Variants in ACTR6 observed in about 807,000 individuals in gnomAD.
ACTR6 encodes the protein actin-related protein 6.
A neutral mutation model predicts 52.5 loss-of-function variants in ACTR6; 50 were observed. The observed-to-expected ratio is 0.95, with a 90% CI of 0.76 to 1.20. ACTR6 has a LOEUF of 1.20. Among genes scored for constraint, ACTR6 ranks in the 50% most tolerant of loss-of-function variants. The pLI is 0.00. For synonymous variants in ACTR6, 135 were observed against 147.2 expected, an observed-to-expected ratio of 0.92 and a Z score of 0.60; for missense variants, 344 against 472.4, an observed-to-expected ratio of 0.73 and a Z score of 2.52.
At chr12:100,223,320 G>A (rs1011716825) in intron 10 of ACTR6, among the ~76,000 whole-genome samples, 3 of 151,756 alleles carry the variant, frequency 2.0e-5, no homozygotes, top group Non-Finnish European at 2.9e-5. Context: ...CAGCCTGGGC[G>A]ATAGAGTGAG....
chr12:100,201,786 G>T (rs1343719361), intron 1 of ACTR6, among the ~76,000 whole-genome samples: 1 of 151,970 alleles, frequency 6.6e-6, no homozygotes, highest in African/African-American at 2.4e-5. Flanking sequence ...CACTCCCAGC[G>T]AATTTTTTGT....
chr12:100,207,593 T>C lies in ACTR6; in HGVS notation c.256-70T>C, dbSNP rs112433453. On this transcript the variant is annotated intron_variant, in intron 3 of 10. Transcript: ENST00000188312. ...TATTGTGAGGATTAAATAAATTTGT[T>C]TGTACATGTAAAACAAGTGTTAATT... 551 of 1,279,726 alleles carry C rather than the reference T, an allele frequency of 4.3e-4. 3 individuals are homozygous for C. The African/African-American group carries it at 7.4e-3, about 17-fold the overall frequency. 79.3% of individuals were successfully genotyped at this position (1,279,726 alleles called of 1,614,324 possible).
At chr12:100,208,877 G>T in intron 4 of ACTR6, 1 of 437,802 alleles carries the variant, frequency 2.3e-6, no homozygotes, top group South Asian at 1.6e-5. Context: ...CTCCCAAGTA[G>T]CTGGGACCAC....
chr12:100,201,974 C>T (rs1432904670), intron 1 of ACTR6, among the ~76,000 whole-genome samples: 1 of 150,796 alleles, frequency 6.6e-6, no homozygotes, highest in Non-Finnish European at 1.5e-5. Flanking sequence ...CTCTCTTGTC[C>T]AGGCTGGAGT....
Position 100,218,349 on chromosome 12 carries a change from T to C in ACTR6, c.751-66T>C. On this transcript the variant is annotated intron_variant, in intron 8 of 10. Transcript: ENST00000188312. This position sits in a 1 kb window ranked among gnomAD's most constrained non-coding sequence, Gnocchi z 4.2. ...ATATTATTGCATATATAATTGCATA[T>C]TACTAATTATTAGTCATGTGAGCTA... 1 of 1,139,896 alleles carries C rather than the reference T, an allele frequency of 8.8e-7. No homozygotes were observed. Among genetic ancestry groups the C allele is most frequent in the Non-Finnish European group, 1.2e-6 (1 of 812,990 alleles). The allele number at this position is 1,139,896 out of a possible 1,614,324, so 70.6% of individuals were successfully genotyped here.
chr12:100,206,693 G>T lies in ACTR6; in HGVS notation c.255+949G>T, dbSNP rs1259064544. Among the ~76,000 whole-genome samples the T allele has an allele frequency of 3.3e-5, 5 of 150,632 alleles. No homozygotes were observed. In the South Asian group the frequency reaches 8.4e-4, roughly 25 times the overall value. On this transcript the variant is annotated intron_variant, in intron 3 of 10. Coordinates refer to ENST00000188312, the MANE Select transcript of ACTR6 (RefSeq NM_022496.5). Reference sequence around the variant, plus strand: ...TTTTTTTCTTTTTTTTTTTTAGGGGGAGTCTTGCTCTGTTGCCCAGGCTGC... The same window carrying T: ...TTTTTTTCTTTTTTTTTTTTAGGGGTAGTCTTGCTCTGTTGCCCAGGCTGC...
chr12:100,220,068 G>A lies in ACTR6; in HGVS notation c.983G>A (p.Gly328Glu). 6.2e-7 allele frequency: 1 copy of A among 1,613,826 alleles called. No individual in the cohort carries two copies. The highest frequency in any genetic ancestry group is 8.5e-7 in the Non-Finnish European group (1 of 1,179,922). The change falls in exon 10 of 11, where the codon GGA becomes GAA. Residue 328 changes from glycine (G) to glutamate (E), a missense_variant. Coordinates refer to ENST00000188312, the MANE Select transcript of ACTR6 (RefSeq NM_022496.5). ...ACAGGAGGAAATTCCCTTTTCCCAG[G>A]ATTTAGGGATCGGGTTTACTCAGAA... ...VLTGGNSLFPGFRDRVYSEVR... is the reference protein window; with the variant it reads ...VLTGGNSLFPEFRDRVYSEVR...
intron 8 of ACTR6, among the ~76,000 whole-genome samples, chr12:100,216,625 A>T (rs1378900563): frequency 6.6e-6 from 1 of 152,232 alleles, no homozygotes; most frequent in Non-Finnish European, 1.5e-5. Context: ...TGTTTTGTCA[A>T]CTGAAATTCC....
intron 8 of ACTR6, among the ~76,000 whole-genome samples, chr12:100,213,092 T>A (rs1200750449): frequency 6.6e-6 from 1 of 151,796 alleles, no homozygotes; most frequent in East Asian, 1.9e-4. Flanking sequence ...GTTTGTTTTG[T>A]TTTTTTGGTT....
rs1472142232 is a variant in ACTR6, at chr12:100,218,968, A to G, written c.922+382A>G. Among the ~76,000 whole-genome samples, 1 of 152,006 alleles carries G rather than the reference A, an allele frequency of 6.6e-6. No individual in the cohort carries two copies. Among genetic ancestry groups the G allele is most frequent in the African/African-American group, 2.4e-5 (1 of 41,400 alleles). On this transcript the variant is annotated intron_variant, in intron 9 of 10. Coordinates refer to ENST00000188312, the MANE Select transcript of ACTR6 (RefSeq NM_022496.5). The surrounding 1 kb of genome is among the most constrained non-coding windows in gnomAD (Gnocchi z 4.2). Reference sequence around the variant, plus strand: ...GGTAGACTGACTTATTCTTTCTGCTATATTTAGAGTAACATACAGGATTAA... The same window carrying G: ...GGTAGACTGACTTATTCTTTCTGCTGTATTTAGAGTAACATACAGGATTAA...
At chr12:100,222,153 C>T (rs1236968519) in intron 10 of ACTR6, among the ~76,000 whole-genome samples, 1 of 151,102 alleles carries the variant, frequency 6.6e-6, no homozygotes, top group Non-Finnish European at 1.5e-5. Flanking sequence ...TGGGGTTTCA[C>T]CATGTTGGCC....
At chr12:100,206,961 G>T (rs538762365) in intron 3 of ACTR6, among the ~76,000 whole-genome samples, 1 of 151,590 alleles carries the variant, frequency 6.6e-6, no homozygotes, top group South Asian at 2.1e-4. Flanking sequence ...ATTACAAGCT[G>T]AGCCATCGTG....
chr12:100,203,305 ATTTAT>A (rs1315478391), intron 1 of ACTR6, among the ~76,000 whole-genome samples: 1 of 151,624 alleles, frequency 6.6e-6, no homozygotes, highest in Non-Finnish European at 1.5e-5. Flanking sequence ...TGGGAACTTA[ATTTAT>A]TTTATTTTTT....
At chr12:100,214,163 AATAAT>A (rs1407303319) in intron 8 of ACTR6, among the ~76,000 whole-genome samples, 2 of 152,212 alleles carry the variant, frequency 1.3e-5, no homozygotes, top group Non-Finnish European at 2.9e-5. Flanking sequence ...TGGTGAGAAT[AATAAT>A]ATGTTATTAA....
Position 100,224,043 on chromosome 12 carries a change from A to G in ACTR6, c.*128A>G. 3.7e-6 allele frequency: 4 copies of G among 1,095,132 alleles called. No individual in the cohort carries two copies. Among genetic ancestry groups the G allele is most frequent in the Admixed American group, 3.2e-5 (1 of 31,236 alleles). The allele number at this position is 1,095,132 out of a possible 1,614,324, so 67.8% of individuals were successfully genotyped here. On this transcript the variant is annotated 3_prime_UTR_variant, in exon 11 of 11. Coordinates refer to ENST00000188312, the MANE Select transcript of ACTR6 (RefSeq NM_022496.5). ...TGAATTTATGTAAATACTTTGATCG[A>G]TTGCTAATTTTCAAAGGCTTCTTAG...
intron 8 of ACTR6, among the ~76,000 whole-genome samples, chr12:100,213,709 A>G (rs1363005143): frequency 6.6e-6 from 1 of 152,210 alleles, no homozygotes; most frequent in Non-Finnish European, 1.5e-5. Context: ...GCAAAATCCA[A>G]TGGCATTTCA....
In ACTR6 at chr12:100,218,553, G is replaced by C; in HGVS notation, c.889G>C (p.Ala297Pro). Residue 297 changes from alanine to proline, a missense_variant, in exon 9 of 11, where the codon GCT becomes CCT. Transcript: ENST00000188312. This position sits in a 1 kb window ranked among gnomAD's most constrained non-coding sequence, Gnocchi z 4.2. ...CATTCAAGAAATGGGAATTCCAGAA[G>C]CTATTGTCTATTCAATTCAAAATCT... ...IGIQEMGIPE[A>P]IVYSIQNLPE... 6.4e-7 allele frequency: 1 copy of C among 1,569,476 alleles called. No individual in the cohort carries two copies. The highest frequency in any genetic ancestry group is 2.4e-5 in the East Asian group (1 of 42,060).
At position 100,218,519 on chromosome 12, in the gene ACTR6, T is replaced by C; in HGVS notation, c.855T>C (p.Ser285=). 1 of 1,591,328 alleles carries C rather than the reference T, an allele frequency of 6.3e-7. No individual in the cohort carries two copies. Among genetic ancestry groups the C allele is most frequent in the Non-Finnish European group, 8.6e-7 (1 of 1,169,092 alleles). The change falls in exon 9 of 11, where the codon TCT becomes TCC. Residue 285 remains serine (S), a synonymous_variant. Transcript: ENST00000188312. The surrounding 1 kb of genome is among the most constrained non-coding windows in gnomAD (Gnocchi z 4.2). ...FAVPEILFNP[S]DIGIQEMGIP... is the part of the protein sequence containing the mutation. The stretch of plus-strand genomic sequence containing the variant: ...TTCCGGAAATACTCTTTAATCCTTC[T>C]GATATAGGCATTCAAGAAATGGGAA...
chr12:100,213,006 C>CA (rs60253803), intron 8 of ACTR6, among the ~76,000 whole-genome samples: 5,231 of 65,892 alleles, frequency 0.079, 433 homozygotes, highest in African/African-American at 0.18. Context: ...GACTCTGTCT[C>CA]AAAAAAAAAA....
Sources: gnomAD v4.1 joint callset for allele counts (sites outside exome capture counted in the v4.1 genomes callset) on GRCh38, gnomAD v4.1.1 for gene constraint, Gnocchi (gnomAD v3.1) non-coding constraint, MANE v1.5 for transcripts, NCBI Gene and HGNC (gene_info 2026-07-23, HGNC 2026-07-21) for gene names.